The following TCTN1 variants were observed in gnomAD, a reference collection of about 807,000 sequenced individuals.
TCTN1 encodes tectonic-1.
A neutral mutation model predicts 65.8 loss-of-function variants in TCTN1; 58 were observed. The observed-to-expected ratio is 0.88, with a 90% confidence interval of 0.71 to 1.10. The LOEUF is 1.10. TCTN1 is among the 50% of genes least tolerant of loss of function. The pLI, the probability that TCTN1 is intolerant of heterozygous loss-of-function variation, is 0.00. For synonymous variants in TCTN1, 273 were observed against 289.1 expected (o/e 0.94, Z 0.57); for missense variants, 645 against 719.4 (o/e 0.90, Z 1.18).
At chr12:110,626,816 G>A (rs942032274) in intron 3 of TCTN1, among the ~76,000 whole-genome samples, 1 of 146,406 alleles carries the variant, frequency 6.8e-6, no homozygotes. Flanking sequence ...TGTTGCCCAG[G>A]CTGGAGTGCA....
In TCTN1 at chr12:110,647,733, T is replaced by C. The variant is rs750945485; in HGVS notation, c.1636-16T>C. On this transcript the variant is annotated splice_polypyrimidine_tract_variant and intron_variant, in intron 13 of 14. Transcript: ENST00000397659. Reference sequence around the variant, plus strand: ...CACACTGGAGGGTGGGCCTTGCATCTCTCTGTTTATTACAGGCCAACTCAG... The same window carrying C: ...CACACTGGAGGGTGGGCCTTGCATCCCTCTGTTTATTACAGGCCAACTCAG... The C allele has an allele frequency of 6.2e-7, 1 of 1,612,080 alleles. No homozygotes were observed. The highest frequency in any genetic ancestry group is 1.7e-5 in the Admixed American group (1 of 59,784).
At chr12:110,646,985 A>G (rs1006577126) in intron 12 of TCTN1, 24 of 591,770 alleles carry the variant, frequency 4.1e-5, no homozygotes, top group East Asian at 3.1e-4. Context: ...AGGAGATGGA[A>G]AAATTACGCT....
chr12:110,638,760 G>A (rs1003521490), intron 7 of TCTN1, among the ~76,000 whole-genome samples: 1 of 152,194 alleles, frequency 6.6e-6, no homozygotes, highest in Non-Finnish European at 1.5e-5. Flanking sequence ...AGCAGAGGCT[G>A]GTATGGCAGG....
At chr12:110,641,466 AAAG>A (rs1463169111) in intron 9 of TCTN1, 73 bp from the exon 10 acceptor site, 5 of 1,397,892 alleles carry the variant, frequency 3.6e-6, no homozygotes, top group East Asian at 2.3e-5. Context: ...TTTTATTATG[AAAG>A]AAGAATTTTT....
intron 7 of TCTN1, among the ~76,000 whole-genome samples, chr12:110,638,164 C>A (rs1265651832): frequency 2.0e-5 from 3 of 152,020 alleles, no homozygotes; most frequent in Non-Finnish European, 4.4e-5. Flanking sequence ...TGGTCTGGCC[C>A]CAGGGACCTT....
At chr12:110,626,970 C>G (rs2065893323) in intron 3 of TCTN1, among the ~76,000 whole-genome samples, 1 of 151,120 alleles carries the variant, frequency 6.6e-6, no homozygotes, top group Non-Finnish European at 1.5e-5. Context: ...CGGGGTTTCT[C>G]CATGTTGGTC....
At chr12:110,622,141 A>AT (rs1027335117) in intron 2 of TCTN1, among the ~76,000 whole-genome samples, 6 of 149,716 alleles carry the variant, frequency 4.0e-5, no homozygotes, top group Admixed American at 2.0e-4. Context: ...CCATAAAAAA[A>AT]AATAATAATA....
intron 10 of TCTN1, 148 bp from the exon 11 acceptor site, chr12:110,642,101 C>T: frequency 4.0e-6 from 4 of 989,118 alleles, no homozygotes; most frequent in Middle Eastern, 3.1e-4. Context: ...TGTTTTTTTG[C>T]CTGCTCCTGG....
At chr12:110,620,742 C>G (rs2065364483) in intron 2 of TCTN1, among the ~76,000 whole-genome samples, 1 of 151,834 alleles carries the variant, frequency 6.6e-6, no homozygotes, top group South Asian at 2.1e-4. Context: ...AATGACATTT[C>G]CAGCTGATTA....
chr12:110,646,446 A>C (rs547301228), intron 12 of TCTN1: 1 of 152,206 alleles, frequency 6.6e-6, no homozygotes, highest in Admixed American at 6.5e-5. Context: ...GTAGAATAGT[A>C]CCATGGAGTC....
intron 14 of TCTN1, among the ~76,000 whole-genome samples, chr12:110,648,346 C>T (rs887093427): frequency 6.6e-6 from 1 of 152,130 alleles, no homozygotes; most frequent in South Asian, 2.1e-4. Context: ...TGCCTTTTTT[C>T]CTTTTGGAAA....
intron 1 of TCTN1, among the ~76,000 whole-genome samples, chr12:110,618,064 G>T (rs2065166870): frequency 2.0e-5 from 3 of 149,708 alleles, no homozygotes; most frequent in Admixed American, 6.7e-5. Flanking sequence ...TTGTTTTTTG[G>T]CTTGAGATCT....
At chr12:110,614,430 T>A in intron 1 of TCTN1, 28 bp downstream of exon 1, 3 of 1,570,500 alleles carry the variant, frequency 1.9e-6, no homozygotes, top group Non-Finnish European at 1.7e-6. Flanking sequence ...GCTCCTGGAG[T>A]CCACAGTGAT....
intron 4 of TCTN1, among the ~76,000 whole-genome samples, chr12:110,631,276 C>T (rs762132741): frequency 1.3e-4 from 8 of 63,050 alleles, no homozygotes; most frequent in South Asian, 8.1e-4. Context: ...CCGCTCGCCT[C>T]GGCCTCCCAA....
chr12:110,645,199 G>A (rs1160708696), intron 12 of TCTN1, 70 bp downstream of exon 12: 9 of 1,589,700 alleles, frequency 5.7e-6, no homozygotes, highest in Non-Finnish European at 7.7e-6. Context: ...GAAGGCAGCC[G>A]GGGAAGCCAG....
rs2067142140 is a variant in TCTN1, at chr12:110,644,081, A to G, written c.1332-886A>G. The stretch of plus-strand genomic sequence containing the variant: ...TCAGTAGGGGTAGGTCTGTGGTCCA[A>G]TACGTTTGGGAAACACCAAATTAAA... On this transcript the variant is annotated intron_variant, in intron 11 of 14. Transcript: ENST00000397659. The surrounding 1 kb of genome is among the most constrained non-coding windows in gnomAD (Gnocchi z 4.6). The G allele has an allele frequency of 6.6e-6, 1 of 152,228 alleles. No individual in the cohort carries two copies. The highest frequency in any genetic ancestry group is 6.5e-5 in the Admixed American group (1 of 15,276). 9.4% of individuals were successfully genotyped at this position (152,228 alleles called of 1,614,324 possible). A position where few individuals can be genotyped will look rare whatever the true frequency, so the allele number is the denominator to read the frequency against.
chr12:110,617,514 A>G (rs1365828292), intron 1 of TCTN1, among the ~76,000 whole-genome samples: 1 of 151,516 alleles, frequency 6.6e-6, no homozygotes, highest in African/African-American at 2.4e-5. Flanking sequence ...TTTAGTAGAG[A>G]TGGGGTTTTA....
Position 110,647,729 on chromosome 12 carries a change from C to G in TCTN1, c.1636-20C>G, listed in dbSNP as rs761797232. On this transcript the variant is annotated intron_variant, in intron 13 of 14. Transcript: ENST00000397659. ...GGAGCACACTGGAGGGTGGGCCTTG[C>G]ATCTCTCTGTTTATTACAGGCCAAC... 7.4e-6 allele frequency: 12 copies of G among 1,613,154 alleles called. No homozygotes were observed. Among genetic ancestry groups the G allele is most frequent in the Non-Finnish European group, 1.0e-5 (12 of 1,179,104 alleles).
intron 4 of TCTN1, chr12:110,629,744 G>A (rs2066101463): frequency 6.6e-6 from 1 of 152,182 alleles, no homozygotes; most frequent in African/African-American, 2.4e-5. Context: ...CCATTACTGA[G>A]TATATACCCA....
Sources: gnomAD v4.1 joint callset for allele counts (sites outside exome capture counted in the v4.1 genomes callset) on GRCh38, gnomAD v4.1.1 for gene constraint, Gnocchi (gnomAD v3.1) non-coding constraint, MANE v1.5 for transcripts, NCBI Gene and HGNC (gene_info 2026-07-23, HGNC 2026-07-21) for gene names.